The following CFAP68 variants were observed in gnomAD, a reference collection of about 807,000 sequenced individuals.
CFAP68 encodes the protein cilia and flagella associated protein 68.
the CFAP68 span, chr11:111,881,343 A>G: frequency 5.5e-6 from 8 of 1,464,962 alleles, no homozygotes; most frequent in South Asian, 8.5e-5. Flanking sequence ...GGCAGATGGT[A>G]TGAGGGTAGT....
At chr11:111,880,071 A>G in the CFAP68 span, among the ~76,000 whole-genome samples, 1 of 152,196 alleles carries the variant, frequency 6.6e-6, no homozygotes, top group Non-Finnish European at 1.5e-5. Context: ...TTTAAAAAAA[A>G]TCAACTTTTA....
the CFAP68 span, chr11:111,881,299 T>C: frequency 1.4e-5 from 20 of 1,427,016 alleles, 1 homozygote; most frequent in South Asian, 2.0e-4. Flanking sequence ...TCATGTTGTT[T>C]GGTAACATCA....
chr11:111,880,930 T>A, the CFAP68 span: 2 of 380,662 alleles, frequency 5.3e-6, no homozygotes, highest in Non-Finnish European at 1.1e-5. Flanking sequence ...GATACAATTA[T>A]ACTTTCACTT....
At chr11:111,881,357 C>T in the CFAP68 span, 1 of 1,478,116 alleles carries the variant, frequency 6.8e-7, no homozygotes, top group Non-Finnish European at 8.9e-7. Context: ...GGGTAGTTAC[C>T]TGGGATGTCA....
At chr11:111,880,738 C>T in the CFAP68 span, 1 of 456,034 alleles carries the variant, frequency 2.2e-6, no homozygotes. Context: ...TAATAAACTT[C>T]CTTATGCTTT....
the CFAP68 span, chr11:111,884,473 C>CAA: frequency 0.61 from 61,504 of 101,574 alleles, 17,396 homozygotes; most frequent in East Asian, 0.76. Flanking sequence ...GACTCTGTCT[C>CAA]AAAAAAAAAA....
chr11:111,885,203 G>A, the CFAP68 span: 1 of 150,678 alleles, frequency 6.6e-6, no homozygotes, highest in Non-Finnish European at 1.5e-5. Flanking sequence ...ATACTGGCTG[G>A]GCACAGTGGC....
At chr11:111,882,638 T>A in the CFAP68 span, 1 of 1,488,200 alleles carries the variant, frequency 6.7e-7, no homozygotes, top group African/African-American at 1.4e-5. Context: ...TGTTTCCTTC[T>A]GTTGGCAAAA....
the CFAP68 span, among the ~76,000 whole-genome samples, chr11:111,879,889 A>G: frequency 5.1e-4 from 77 of 152,300 alleles, no homozygotes; most frequent in Non-Finnish European, 8.1e-4. Context: ...TAACAGGGTA[A>G]AAGTGCATCT....
At chr11:111,883,393 C>G in the CFAP68 span, among the ~76,000 whole-genome samples, 1 of 152,046 alleles carries the variant, frequency 6.6e-6, no homozygotes, top group African/African-American at 2.4e-5. Context: ...AGTTTGAGAC[C>G]AGCCTGGCCA....
chr11:111,880,319 C>G, the CFAP68 span, among the ~76,000 whole-genome samples: 53 of 152,300 alleles, frequency 3.5e-4, no homozygotes, highest in Admixed American at 2.4e-3. Flanking sequence ...ACCAGAGCAA[C>G]TCCGTCTTGA....
chr11:111,882,619 T>C, the CFAP68 span: 1 of 1,522,706 alleles, frequency 6.6e-7, no homozygotes, highest in South Asian at 1.3e-5. Context: ...TTTGTCTTTT[T>C]TGTTTGTTTG....
At chr11:111,883,857 A>G in the CFAP68 span, 13 of 1,607,360 alleles carry the variant, frequency 8.1e-6, no homozygotes, top group Non-Finnish European at 1.1e-5. Flanking sequence ...GTCAACTTAC[A>G]TGAATAGCTA....
chr11:111,881,707 A>G, the CFAP68 span: 20 of 1,374,496 alleles, frequency 1.5e-5, no homozygotes, highest in Admixed American at 2.6e-5. Flanking sequence ...GAAATCAGAC[A>G]TTGATCATCT....
the CFAP68 span, chr11:111,882,264 G>A: frequency 1.2e-6 from 1 of 857,054 alleles, no homozygotes; most frequent in South Asian, 1.7e-5. Context: ...CATTAGTACG[G>A]TGTGCTTGTG....
the CFAP68 span, chr11:111,883,707 A>G: frequency 1.8e-6 from 2 of 1,119,818 alleles, no homozygotes; most frequent in Non-Finnish European, 2.7e-6. Context: ...AAGATCAGTT[A>G]CTAAAACTCC....
the CFAP68 span, chr11:111,883,200 A>G: frequency 1.9e-6 from 3 of 1,568,572 alleles, no homozygotes; most frequent in Admixed American, 1.9e-5. Flanking sequence ...CTTTCAACAC[A>G]TAGTACGTGG....
chr11:111,881,216 G>T, the CFAP68 span: 1 of 1,340,906 alleles, frequency 7.5e-7, no homozygotes, highest in Non-Finnish European at 9.5e-7. Context: ...TCCAGCCCTA[G>T]AGACAGTTAC....
chr11:111,883,768 C>A, the CFAP68 span: 9 of 1,596,640 alleles, frequency 5.6e-6, no homozygotes, highest in Non-Finnish European at 7.7e-6. Flanking sequence ...TTTCTTCCCT[C>A]AGGATTTAAG....
Sources: gnomAD v4.1 joint callset for allele counts (sites outside exome capture counted in the v4.1 genomes callset) on GRCh38, gnomAD v4.1.1 for gene constraint, MANE v1.5 for transcripts, NCBI Gene and HGNC (gene_info 2026-07-23, HGNC 2026-07-21) for gene names.